The following ARMH3 variants were observed in gnomAD, a reference collection of about 807,000 sequenced individuals.
ARMH3 encodes the protein armadillo like helical domain containing 3, also known as armadillo-like helical domain-containing protein 3.
A neutral mutation model predicts 99.1 loss-of-function variants in ARMH3; 60 were observed. The ratio of observed to expected loss-of-function variants is 0.61; its 90% CI spans 0.49 to 0.75. The LOEUF is 0.75. Among genes scored for constraint, ARMH3 ranks in the 30% least tolerant of loss-of-function variants. The pLI is 0.00. For synonymous variants in ARMH3, 285 were observed against 292.8 expected, an observed-to-expected ratio of 0.97 and a Z score of 0.27; for missense variants, 679 against 843.1, an observed-to-expected ratio of 0.81 and a Z score of 2.41.
chr10:102,039,522 A>G (rs1370089004), intron 2 of ARMH3, among the ~76,000 whole-genome samples: 3 of 152,326 alleles, frequency 2.0e-5, no homozygotes, highest in East Asian at 1.9e-4. Context: ...CCAATTACTA[A>G]TAATTCCTCA....
rs531312251 is a variant in ARMH3, at chr10:102,034,452, C to T, written c.103-1113G>A. Among the ~76,000 whole-genome samples, 5 of 151,632 alleles carry T rather than the reference C, an allele frequency of 3.3e-5. No individual in the cohort carries two copies. The East Asian group carries it at 9.9e-4, about 30-fold the overall frequency. ...GAGATCGAGACCATCCTGGCTAACACGGTGACACCCCATCTCTACTAAAAA... is the reference window on the plus strand; with the variant it reads ...GAGATCGAGACCATCCTGGCTAACATGGTGACACCCCATCTCTACTAAAAA... On this transcript the variant is annotated intron_variant, in intron 2 of 25. Transcript: ENST00000370033.
At chr10:101,954,652 G>T (rs1256206145) in intron 22 of ARMH3, among the ~76,000 whole-genome samples, 4 of 151,958 alleles carry the variant, frequency 2.6e-5, no homozygotes, top group Non-Finnish European at 5.9e-5. Flanking sequence ...TTAAAAGGGT[G>T]GTTTTTGCCA....
intron 1 of ARMH3, among the ~76,000 whole-genome samples, chr10:102,047,486 C>CTT (rs796094967): frequency 3.5e-5 from 5 of 141,312 alleles, no homozygotes; most frequent in Non-Finnish European, 7.8e-5. Context: ...TTGAACCAAA[C>CTT]TTTTTTTTTT....
chr10:102,034,643 A>C (rs982444012), intron 2 of ARMH3, among the ~76,000 whole-genome samples: 1 of 151,802 alleles, frequency 6.6e-6, no homozygotes, highest in African/African-American at 2.4e-5. Context: ...CTCAAAAAAA[A>C]AAAAGAAAAA....
At chr10:102,021,190 C>T (rs919014237) in intron 8 of ARMH3, among the ~76,000 whole-genome samples, 2 of 152,028 alleles carry the variant, frequency 1.3e-5, no homozygotes, top group Non-Finnish European at 1.5e-5. Flanking sequence ...CTCCCTCCCA[C>T]CTCAGCCTCC....
chr10:102,029,873 A>C (rs573895232), intron 4 of ARMH3, 128 bp from the exon 5 acceptor site: 1 of 966,312 alleles, frequency 1.0e-6, no homozygotes, highest in Non-Finnish European at 1.5e-6. Flanking sequence ...GAGCTCCAAA[A>C]CACAGTCTGA....
At chr10:101,927,950 T>C (rs1564760823) in intron 23 of ARMH3, among the ~76,000 whole-genome samples, 1 of 152,216 alleles carries the variant, frequency 6.6e-6, no homozygotes, top group Non-Finnish European at 1.5e-5. Context: ...GGCACATCCC[T>C]GTAACCTCAG....
At chr10:101,957,542 G>T in intron 21 of ARMH3, 108 bp downstream of exon 21, 1 of 1,235,848 alleles carries the variant, frequency 8.1e-7, no homozygotes, top group Non-Finnish European at 1.1e-6. Context: ...ATATAGGTCT[G>T]GTTCCCTCTA....
chr10:101,937,519 C>CAA (rs1231569417), intron 23 of ARMH3, among the ~76,000 whole-genome samples: 48 of 92,680 alleles, frequency 5.2e-4, no homozygotes, highest in African/African-American at 1.4e-3. Context: ...ACCCTGTCTC[C>CAA]AAAAAAAAAA....
chr10:101,859,143 C>T (rs921790931), intron 24 of ARMH3, among the ~76,000 whole-genome samples: 7 of 152,202 alleles, frequency 4.6e-5, no homozygotes, highest in Non-Finnish European at 1.0e-4. Flanking sequence ...GAGCCAGTAA[C>T]ACTAAGTATG....
chr10:102,012,957 G>C, intron 9 of ARMH3, 81 bp from the exon 10 acceptor site: 1 of 1,263,892 alleles, frequency 7.9e-7, no homozygotes, highest in Non-Finnish European at 1.1e-6. Flanking sequence ...AGGTCAGAAA[G>C]AACACTAATT....
At chr10:101,866,379 T>C (rs2135342733) in intron 24 of ARMH3, among the ~76,000 whole-genome samples, 1 of 151,614 alleles carries the variant, frequency 6.6e-6, no homozygotes, top group South Asian at 2.1e-4. Flanking sequence ...AGTCAGAGCA[T>C]TACAAGAAGA....
At chr10:102,055,780 G>A (rs947456420) in intron 1 of ARMH3, among the ~76,000 whole-genome samples, 2 of 152,206 alleles carry the variant, frequency 1.3e-5, no homozygotes, top group Admixed American at 6.5e-5. Context: ...TCAGCACCTC[G>A]GAAGCCAGAA....
chr10:101,918,036 G>A (rs575286947), intron 23 of ARMH3, among the ~76,000 whole-genome samples: 1 of 152,114 alleles, frequency 6.6e-6, no homozygotes, highest in Admixed American at 6.5e-5. Context: ...TATATCATGG[G>A]GTTTTTTGTT....
intron 6 of ARMH3, 98 bp downstream of exon 6, chr10:102,025,058 A>G (rs2066971445): frequency 9.8e-7 from 1 of 1,015,264 alleles, no homozygotes; most frequent in Non-Finnish European, 1.5e-6. Context: ...CTCATTGAGA[A>G]TATTTCTTCT....
chr10:102,045,319 T>C (rs7086516), intron 1 of ARMH3, among the ~76,000 whole-genome samples: 44,453 of 151,726 alleles, frequency 0.29, 6,877 homozygotes, highest in East Asian at 0.55. Context: ...TTCATTCCAG[T>C]AGAAGGGAAA....
chr10:101,877,489 A>G (rs1488091598), intron 24 of ARMH3, among the ~76,000 whole-genome samples: 2 of 151,992 alleles, frequency 1.3e-5, no homozygotes, highest in African/African-American at 2.4e-5. Context: ...GTGAAACCCC[A>G]TCTCTACTAA....
At chr10:101,901,443 T>A (rs1796599192) in intron 23 of ARMH3, among the ~76,000 whole-genome samples, 2 of 152,068 alleles carry the variant, frequency 1.3e-5, no homozygotes, top group Admixed American at 1.3e-4. Context: ...CCCACATCAG[T>A]TAAGTGAACA....
At chr10:102,046,343 A>G (rs903998761) in intron 1 of ARMH3, among the ~76,000 whole-genome samples, 1 of 148,722 alleles carries the variant, frequency 6.7e-6, no homozygotes, top group African/African-American at 2.5e-5. Flanking sequence ...AGAGAAAAAG[A>G]AAAAAAAAAG....
Sources: allele counts gnomAD v4.1 joint callset (sites outside exome capture counted in the v4.1 genomes callset), GRCh38; gene constraint gnomAD v4.1.1; transcripts MANE v1.5; gene names NCBI Gene and HGNC (gene_info 2026-07-23, HGNC 2026-07-21).